The following NAA10 variants were observed in gnomAD, a reference collection of about 807,000 sequenced individuals.
NAA10 encodes N-alpha-acetyltransferase 10, NatA catalytic subunit.
NAA10 carries 6 observed loss-of-function variants against 19.2 expected under a neutral mutation model. The observed-to-expected ratio is 0.31, with a 90% CI of 0.17 to 0.62. NAA10 has a LOEUF of 0.62. Ranked by LOEUF, NAA10 falls within the 20% of genes least tolerant of loss-of-function variation. The pLI is 0.83. For synonymous variants in NAA10, 97 were observed against 79.9 expected, an observed-to-expected ratio of 1.21 and a Z score of -1.14; for missense variants, 101 against 198.4, an observed-to-expected ratio of 0.51 and a Z score of 2.95.
intron 3 of NAA10, 47 bp downstream of exon 3, chrX:153,933,896 C>A: frequency 1.8e-6 from 2 of 1,087,619 alleles, no homozygotes; most frequent in South Asian, 3.7e-5. Flanking sequence ...CCCACAGAGG[C>A]ATCCACCAGA....
chrX:153,930,971 G>A (rs868960991), intron 6 of NAA10, 124 bp from the exon 7 acceptor site: 1 of 1,199,872 alleles, frequency 8.3e-7, no homozygotes, highest in Non-Finnish European at 1.1e-6. Flanking sequence ...TCCATCCTGA[G>A]ACAACAAGTC....
At chrX:153,930,354 G>C (rs782272629) in intron 7 of NAA10, 131 bp from the exon 8 acceptor site, 2 of 591,241 alleles carry the variant, frequency 3.4e-6, no homozygotes, top group South Asian at 4.8e-5. Context: ...CAGGACACGC[G>C]GGACTGAGTG....
chrX:153,933,441 G>A (rs1162098197), intron 3 of NAA10, among the ~76,000 whole-genome samples: 1 of 111,909 alleles, frequency 8.9e-6, no homozygotes, highest in Non-Finnish European at 1.9e-5. Context: ...AGACAGAGGT[G>A]GGTGGAAACA....
At chrX:153,930,514 G>C (rs1249282621) in intron 7 of NAA10, 1 of 452,808 alleles carries the variant, frequency 2.2e-6, no homozygotes, top group African/African-American at 2.5e-5. Flanking sequence ...TGAGCAGGCA[G>C]GCCACCCACT....
chrX:153,931,445 T>C (rs2065165948), intron 6 of NAA10: 1 of 808,264 alleles, frequency 1.2e-6, no homozygotes, highest in Non-Finnish European at 1.5e-6. Context: ...TTCCCAACAG[T>C]CCCTCTTCTT....
rs146394232 is a variant in NAA10 at position 153,931,726 on chromosome X, C to A, written c.386+345G>T. 2,575 of 975,538 alleles carry A rather than the reference C, an allele frequency of 2.6e-3. 38 individuals carry two copies. In the African/African-American group the frequency reaches 0.047, roughly 18 times the overall value. 80.4% of individuals were successfully genotyped at this position (975,538 alleles called of 1,213,427 possible). On this transcript the variant is annotated intron_variant, in intron 6 of 7. Coordinates refer to ENST00000464845, the MANE Select transcript of NAA10 (RefSeq NM_003491.4). ...TCTAGGTGCTTGGTCATGCTTGAGT[C>A]CTGCTCCTCAGCATCTGCTCACGCC...
intron 7 of NAA10, 142 bp from the exon 8 acceptor site, chrX:153,930,365 G>T: frequency 1.8e-6 from 1 of 565,217 alleles, no homozygotes; most frequent in East Asian, 3.5e-5. Flanking sequence ...GGACTGAGTG[G>T]GGACACCTGG....
At chrX:153,930,351 C>T (rs1557107204) in intron 7 of NAA10, 128 bp from the exon 8 acceptor site, 4 of 620,247 alleles carry the variant, frequency 6.4e-6, no homozygotes, top group Admixed American at 2.4e-5. Context: ...AGGCAGGACA[C>T]GCGGGACTGA....
chrX:153,932,230 C>T (rs908006384), intron 5 of NAA10, 86 bp downstream of exon 5: 11 of 1,147,018 alleles, frequency 9.6e-6, no homozygotes, highest in Non-Finnish European at 1.3e-5. Context: ...CTTCCTGGAT[C>T]TTCACCAAAA....
intron 3 of NAA10, among the ~76,000 whole-genome samples, chrX:153,933,485 A>G (rs1490977440): frequency 4.5e-5 from 5 of 111,866 alleles, no homozygotes; most frequent in Non-Finnish European, 9.4e-5. Flanking sequence ...AGCCTGGCCA[A>G]CGTAGTGAAA....
At chrX:153,934,575 G>A (rs1198415338) in intron 1 of NAA10, 100 bp from the exon 2 acceptor site, 9 of 708,593 alleles carry the variant, frequency 1.3e-5, no homozygotes, top group South Asian at 4.6e-5. Flanking sequence ...CCGCTCCCTC[G>A]GGGCTGGGCA....
Position 153,932,310 on chromosome X carries a change from T to C in NAA10, c.341+6A>G. ...TCAATCCCCCTTCCCTCAGCCCGGC[T>C]TCCACCTCTTCCTGACATGCAGGGA... On this transcript the variant is annotated splice_donor_region_variant and intron_variant, in intron 5 of 7. Coordinates refer to ENST00000464845, the MANE Select transcript of NAA10 (RefSeq NM_003491.4). 1.7e-6 allele frequency: 2 copies of C among 1,198,751 alleles called. No homozygotes were observed. The highest frequency in any genetic ancestry group is 1.1e-6 in the Non-Finnish European group (1 of 885,873).
In NAA10 at chrX:153,934,962, G is replaced by A; in HGVS notation, c.-58C>T. On this transcript the variant is annotated 5_prime_UTR_variant, in exon 1 of 8. Transcript: ENST00000464845. The stretch of plus-strand genomic sequence containing the variant: ...CGTGAAGGCGCAGTCAGCTGCCGCC[G>A]CGCTCCGAAGCGACGCCGGGACGGC... The A allele has an allele frequency of 1.1e-6, 1 of 939,583 alleles. No individual in the cohort carries two copies. The highest frequency in any genetic ancestry group is 1.3e-6 in the Non-Finnish European group (1 of 746,510). 77.4% of individuals were successfully genotyped at this position (939,583 alleles called of 1,213,427 possible).
chrX:153,931,164 T>G, intron 6 of NAA10: 1 of 966,089 alleles, frequency 1.0e-6, no homozygotes, highest in Non-Finnish European at 1.3e-6. Flanking sequence ...CCCTGTCCCT[T>G]ACTGAGCTGC....
chrX:153,933,226 C>T (rs2065176701), intron 3 of NAA10, among the ~76,000 whole-genome samples: 1 of 111,795 alleles, frequency 8.9e-6, no homozygotes. Context: ...TCAGTGGTTG[C>T]CACGGGTTAA....
chrX:153,930,205 G>A lies in NAA10; in HGVS notation c.490C>T (p.Leu164=). 1.7e-6 allele frequency: 2 copies of A among 1,210,628 alleles called. No homozygotes were observed. The highest frequency in any genetic ancestry group is 1.8e-5 in the South Asian group (1 of 56,964). ...MADELRRHLE[L]KEKGRHVVLG... Reference sequence around the variant, plus strand: ...ACCACGTGCCTGCCCTTCTCTTTCAGCTCCAGGTGCCGCCTCAGCTGCCAC... The same window carrying A: ...ACCACGTGCCTGCCCTTCTCTTTCAACTCCAGGTGCCGCCTCAGCTGCCAC... Residue 164 remains leucine, a synonymous_variant, in exon 8 of 8, where the codon CTG becomes TTG. Coordinates refer to ENST00000464845, the MANE Select transcript of NAA10 (RefSeq NM_003491.4).
chrX:153,934,656 C>T, intron 1 of NAA10, 181 bp from the exon 2 acceptor site: 4 of 563,183 alleles, frequency 7.1e-6, no homozygotes, highest in Non-Finnish European at 1.2e-5. Context: ...CGGAGGTCCC[C>T]GGAGCCCACC....
Position 153,932,563 on chromosome X carries a change from C to G in NAA10, c.201G>C (p.Val67=), listed in dbSNP as rs375971315. Residue 67 remains valine, a synonymous_variant, in exon 4 of 8, where the codon GTG becomes GTC. Transcript: ENST00000464845. ...LAKMEEDPDD[V]PHGHITSLAV... is the part of the protein sequence containing the mutation. ...CCAATGAGGTGATATGTCCATGGGG[C>G]ACATCATCTGGGTCCTCTTCCCTGG... The G allele has an allele frequency of 4.6e-5, 55 of 1,207,317 alleles. No individual in the cohort carries two copies. The highest frequency in any genetic ancestry group is 6.2e-5 in the Non-Finnish European group (55 of 893,027).
intron 5 of NAA10, 71 bp downstream of exon 5, chrX:153,932,245 A>G (rs1328993357): frequency 1.8e-6 from 2 of 1,125,107 alleles, no homozygotes; most frequent in Non-Finnish European, 2.4e-6. Context: ...CCAAAAGCTG[A>G]GGTACCCCAG....
Sources: gnomAD v4.1 joint callset for allele counts (sites outside exome capture counted in the v4.1 genomes callset) on GRCh38, gnomAD v4.1.1 for gene constraint, MANE v1.5 for transcripts, NCBI Gene and HGNC (gene_info 2026-07-23, HGNC 2026-07-21) for gene names.